The following CHD7 variants were observed in gnomAD, a reference collection of about 807,000 sequenced individuals.
CHD7 encodes the protein chromodomain helicase DNA binding protein 7.
In CHD7, 24 loss-of-function variants were observed where a neutral mutation model predicts 307.3. The observed-to-expected ratio is 0.08, with a 90% CI of 0.06 to 0.11. The LOEUF is 0.11. Ranked by LOEUF, CHD7 falls within the 10% of genes least tolerant of loss-of-function variation. CHD7 has a pLI of 1.00. For synonymous variants in CHD7, 1,363 were observed against 1,349.9 expected (o/e 1.01, Z -0.21); for missense variants, 3,106 against 3,727.1 (o/e 0.83, Z 4.34).
At chr8:60,735,294 G>A (rs537506542) in intron 1 of CHD7, among the ~76,000 whole-genome samples, 68 of 152,296 alleles carry the variant, frequency 4.5e-4, no homozygotes, top group African/African-American at 1.6e-3. Context: ...AACATAAGGC[G>A]TAGCGTTGCC....
intron 1 of CHD7, among the ~76,000 whole-genome samples, chr8:60,686,801 A>G (rs1805922780): frequency 6.6e-6 from 1 of 152,214 alleles, no homozygotes; most frequent in Non-Finnish European, 1.5e-5. Flanking sequence ...CAGTATGTCT[A>G]AAAAAGGGTA....
intron 1 of CHD7, among the ~76,000 whole-genome samples, chr8:60,691,463 G>A (rs1231847678): frequency 6.6e-6 from 1 of 152,212 alleles, no homozygotes; most frequent in Non-Finnish European, 1.5e-5. Flanking sequence ...TTACTCTCCT[G>A]ATACACTACT....
chr8:60,816,113 G>GTCTGTCTATCTC (rs58405811), intron 7 of CHD7, among the ~76,000 whole-genome samples: 1 of 139,236 alleles, frequency 7.2e-6, no homozygotes, highest in African/African-American at 2.9e-5. Context: ...CTGTCTGTCT[G>GTCTGTCTATCTC]TCTCTCTCTC....
At chr8:60,844,741 A>G (rs568293568) in intron 21 of CHD7, 123 bp from the exon 22 acceptor site, 19 of 735,634 alleles carry the variant, frequency 2.6e-5, no homozygotes, top group South Asian at 6.6e-5. Flanking sequence ...TTTCTTTCCT[A>G]TCACCCAGTG....
chr8:60,850,235 GTTA>G (rs959957375), intron 25 of CHD7, among the ~76,000 whole-genome samples: 3 of 152,198 alleles, frequency 2.0e-5, no homozygotes, highest in Non-Finnish European at 4.4e-5. Context: ...GCATCTTGCA[GTTA>G]TTCTGAACCT....
At chr8:60,730,412 T>G (rs1418011412) in intron 1 of CHD7, among the ~76,000 whole-genome samples, 2 of 152,212 alleles carry the variant, frequency 1.3e-5, no homozygotes, top group African/African-American at 4.8e-5. Context: ...TGTGTGATAT[T>G]TATAGTTTTG....
chr8:60,766,438 C>T (rs1366724229), intron 2 of CHD7, among the ~76,000 whole-genome samples: 1 of 152,206 alleles, frequency 6.6e-6, no homozygotes, highest in Non-Finnish European at 1.5e-5. Flanking sequence ...GTGATGCGAT[C>T]TGATTTGCAT....
chr8:60,781,508 A>G, intron 3 of CHD7, 78 bp downstream of exon 3: 1 of 1,439,858 alleles, frequency 6.9e-7, no homozygotes, highest in Non-Finnish European at 9.1e-7. Context: ...AGCCTATGAA[A>G]TGAGGGGTGG....
rs1330657409 is a variant in CHD7, at chr8:60,743,156, G to A, written c.1665+59G>A. On this transcript the variant is annotated intron_variant, in intron 2 of 37. Transcript: ENST00000423902. ...GTGTGAAATTCAACATGGCTAACTT[G>A]TCTGATCGAATTTTTCTTTAAACTC... The A allele has an allele frequency of 4.2e-6, 6 of 1,442,626 alleles. No homozygotes were observed. In the African/African-American group the frequency reaches 4.2e-5, roughly 10 times the overall value. The allele number at this position is 1,442,626 out of a possible 1,614,324, so 89.4% of individuals were successfully genotyped here.
intron 3 of CHD7, 150 bp from the exon 4 acceptor site, chr8:60,794,836 T>G (rs754504012): frequency 6.6e-5 from 42 of 635,514 alleles, no homozygotes; most frequent in East Asian, 8.8e-5. Context: ...CCAGGAAAAC[T>G]TAATTGGGAG....
chr8:60,858,905 T>G (rs756562169), intron 34 of CHD7, among the ~76,000 whole-genome samples: 12 of 152,206 alleles, frequency 7.9e-5, no homozygotes, highest in Admixed American at 1.3e-4. Context: ...TGTTCAGTAT[T>G]TGGATCACGA....
chr8:60,832,180 C>A (rs982524828), intron 15 of CHD7, among the ~76,000 whole-genome samples: 2 of 152,074 alleles, frequency 1.3e-5, no homozygotes, highest in Admixed American at 1.3e-4. Context: ...CGCCACAACG[C>A]CCAGCTAATT....
chr8:60,865,921 A>T lies in CHD7; in HGVS notation c.8982A>T (p.Glu2994Asp), dbSNP rs747274787. The T allele has an allele frequency of 6.2e-7, 1 of 1,601,456 alleles. No individual in the cohort carries two copies. The highest frequency in any genetic ancestry group is 1.1e-5 in the South Asian group (1 of 88,672). The change falls in exon 38 of 38, where the codon GAA becomes GAT. Residue 2994 changes from glutamate (E) to aspartate (D), a missense_variant. Glu to Asp is a conservative substitution (Grantham distance 45). Around this residue, in one of 10 missense-constraint regions of CHD7, gnomAD observed 351 missense variants for 366.2 expected, o/e 0.96. Transcript: ENST00000423902. This position sits in a 1 kb window ranked among gnomAD's most constrained non-coding sequence, Gnocchi z 4.3. Reference sequence around the variant, plus strand: ...GGGGGGATGAAATAGAAAACAATGAAAATGATGAATAACCAGTACCAGTTC... The same window carrying T: ...GGGGGGATGAAATAGAAAACAATGATAATGATGAATAACCAGTACCAGTTC... ...LDGGDEIENN[E>D]NDE
chr8:60,797,500 A>G (rs1258838055), intron 4 of CHD7, among the ~76,000 whole-genome samples: 2 of 152,218 alleles, frequency 1.3e-5, no homozygotes, highest in Non-Finnish European at 2.9e-5. Flanking sequence ...CTTCTTTAAC[A>G]TCAGGGTGGG....
At chr8:60,752,550 T>C (rs1809690946) in intron 2 of CHD7, among the ~76,000 whole-genome samples, 1 of 152,232 alleles carries the variant, frequency 6.6e-6, no homozygotes, top group African/African-American at 2.4e-5. Flanking sequence ...TAGATCATTC[T>C]TTTTCTGAAA....
intron 1 of CHD7, among the ~76,000 whole-genome samples, chr8:60,739,686 C>A (rs963399650): frequency 6.6e-6 from 1 of 152,142 alleles, no homozygotes; most frequent in Non-Finnish European, 1.5e-5. Flanking sequence ...TGACAGTGAA[C>A]AGGAATGTTG....
chr8:60,721,607 A>G (rs906939671), intron 1 of CHD7, among the ~76,000 whole-genome samples: 1 of 152,210 alleles, frequency 6.6e-6, no homozygotes, highest in African/African-American at 2.4e-5. Flanking sequence ...GGTAAAGCAG[A>G]CTGCCAGGGC....
chr8:60,842,128 A>G lies in CHD7; in HGVS notation c.4850+76A>G, dbSNP rs79240930. On this transcript the variant is annotated intron_variant, in intron 21 of 37. Transcript: ENST00000423902. ...AATTCCCAACTGGTAGAGAAAAACT[A>G]TATTTGTGTTTGAATTTGTGTGACA... 23,298 of 1,244,578 alleles carry G rather than the reference A, an allele frequency of 0.019. 1,251 individuals carry two copies. The highest frequency in any genetic ancestry group is 0.18 in the African/African-American group (12,202 of 66,342). 77.1% of individuals were successfully genotyped at this position (1,244,578 alleles called of 1,614,324 possible).
intron 8 of CHD7, among the ~76,000 whole-genome samples, chr8:60,819,202 C>T (rs1419534780): frequency 1.3e-5 from 2 of 152,150 alleles, no homozygotes; most frequent in African/African-American, 4.8e-5. Context: ...ATCCGCCTGC[C>T]TTGGCCTCCC....
Sources: gnomAD v4.1 joint callset for allele counts (sites outside exome capture counted in the v4.1 genomes callset) on GRCh38, gnomAD v4.1.1 for gene constraint, gnomAD v4.1.1 regional missense constraint, Gnocchi (gnomAD v3.1) non-coding constraint, MANE v1.5 for transcripts, NCBI Gene and HGNC (gene_info 2026-07-23, HGNC 2026-07-21) for gene names.